Variants in TRHDE observed in about 807,000 individuals in gnomAD.
The protein encoded by TRHDE is thyrotropin-releasing hormone-degrading ectoenzyme.
In TRHDE, 72 loss-of-function variants were observed where a neutral mutation model predicts 125.7. The ratio of observed to expected loss-of-function variants is 0.57; its 90% CI spans 0.47 to 0.70. The LOEUF (loss-of-function observed/expected upper bound fraction) is 0.70, where lower values mean the gene tolerates loss of function less well. Among genes scored for constraint, TRHDE ranks in the 30% least tolerant of loss-of-function variants. The probability of loss-of-function intolerance (pLI) is 0.00; values close to 1 mark genes in which losing one functional copy is unlikely to be tolerated. For missense variants in TRHDE, 1,110 were observed against 1,327.1 expected (o/e 0.84, Z 2.54); for synonymous variants, 509 against 509.1 (o/e 1.00, Z 0.00).
At chr12:72,151,671 G>T (rs1195555206) in intron 2 of TRHDE, among the ~76,000 whole-genome samples, 1 of 152,038 alleles carries the variant, frequency 6.6e-6, no homozygotes, top group Non-Finnish European at 1.5e-5. Context: ...CCCATTGCTT[G>T]TTTTTCTCAG....
At chr12:72,120,012 C>T (rs1875538845) in intron 2 of TRHDE, among the ~76,000 whole-genome samples, 1 of 151,652 alleles carries the variant, frequency 6.6e-6, no homozygotes, top group African/African-American at 2.4e-5. Context: ...GAGCTTAGTC[C>T]ATTTACATTC....
At chr12:72,097,319 T>C (rs1874948949) in intron 1 of TRHDE, among the ~76,000 whole-genome samples, 1 of 152,118 alleles carries the variant, frequency 6.6e-6, no homozygotes, top group African/African-American at 2.4e-5. Context: ...AGCACTGGTC[T>C]AGAGGGTCAC....
chr12:72,143,378 G>A lies in TRHDE; in HGVS notation n.279+37626G>A, dbSNP rs12314780. 5.0e-3 allele frequency among the ~76,000 whole-genome samples: 759 copies of A among 152,216 alleles called. 8 individuals carry two copies. The highest frequency in any genetic ancestry group is 0.017 in the African/African-American group (721 of 41,546). ...ATTAGGAACTGGCCAGATGAGAGGA[G>A]TAGGAGGAAGGAGGGAAAGGCCTTC... On this transcript the variant is annotated intron_variant and non_coding_transcript_variant, in intron 2 of 4. Transcript: ENST00000548156.
chr12:72,108,244 T>TTTA lies in TRHDE; in HGVS notation n.279+2493_279+2494insTAT. Among the ~76,000 whole-genome samples, 3 of 152,236 alleles carry TTTA rather than the reference T, an allele frequency of 2.0e-5. No individual in the cohort carries two copies. In the South Asian group the frequency reaches 6.2e-4, roughly 32 times the overall value. ...CTGCTTTTTATGCAAATAGATGGATTTGTAAGAACTAGGTTAGTTAAGGAG... is the reference window on the plus strand; with the variant it reads ...CTGCTTTTTATGCAAATAGATGGATTTTATGTAAGAACTAGGTTAGTTAAGGAG... On this transcript the variant is annotated intron_variant and non_coding_transcript_variant, in intron 2 of 4. Transcript: ENST00000548156.
At chr12:72,212,467 C>T (rs942330127) in intron 2 of TRHDE, among the ~76,000 whole-genome samples, 11 of 152,050 alleles carry the variant, frequency 7.2e-5, no homozygotes, top group Admixed American at 5.9e-4. Context: ...AACCACATAT[C>T]TGATAAGGAA....
chr12:72,405,531 G>T (rs771933174), intron 3 of TRHDE, among the ~76,000 whole-genome samples: 1 of 152,104 alleles, frequency 6.6e-6, no homozygotes, highest in Admixed American at 6.5e-5. Flanking sequence ...ACTACATTAA[G>T]TCTCTCTCAT....
At chr12:72,296,589 C>T (rs924347230) in intron 2 of TRHDE, among the ~76,000 whole-genome samples, 2 of 151,072 alleles carry the variant, frequency 1.3e-5, no homozygotes, top group African/African-American at 4.9e-5. Context: ...GGTCTGCAGC[C>T]ATGTGGGTGC....
At chr12:72,423,694 A>G (rs1874057511) in intron 3 of TRHDE, among the ~76,000 whole-genome samples, 1 of 152,142 alleles carries the variant, frequency 6.6e-6, no homozygotes, top group African/African-American at 2.4e-5. Context: ...GGTAGTTGCT[A>G]TTTGCAATCA....
chr12:72,161,306 G>A (rs1035543071), intron 2 of TRHDE, among the ~76,000 whole-genome samples: 1 of 151,942 alleles, frequency 6.6e-6, no homozygotes, highest in Admixed American at 6.6e-5. Flanking sequence ...GGTGGCACTC[G>A]CCTGTAGTCC....
chr12:72,544,531 T>TC (rs1172459686), intron 7 of TRHDE, among the ~76,000 whole-genome samples: 1 of 151,430 alleles, frequency 6.6e-6, no homozygotes, highest in Non-Finnish European at 1.5e-5. Context: ...GTTTTTATTC[T>TC]CCCCCCTTTT....
chr12:72,264,939 A>G (rs1278446334), intron 2 of TRHDE, among the ~76,000 whole-genome samples: 1 of 151,732 alleles, frequency 6.6e-6, no homozygotes, highest in African/African-American at 2.4e-5. Context: ...TCTAGAGCCA[A>G]AAGTTTCATT....
intron 2 of TRHDE, among the ~76,000 whole-genome samples, chr12:72,314,845 T>G (rs1439604879): frequency 6.6e-6 from 1 of 152,218 alleles, no homozygotes; most frequent in Non-Finnish European, 1.5e-5. Flanking sequence ...AATTAGGAAT[T>G]GAAATTTGGA....
At chr12:72,251,320 C>A (rs1878679338) in intron 2 of TRHDE, among the ~76,000 whole-genome samples, 1 of 151,858 alleles carries the variant, frequency 6.6e-6, no homozygotes, top group African/African-American at 2.4e-5. Flanking sequence ...ACTGTATATA[C>A]CCCCTGGAAA....
intron 6 of TRHDE, among the ~76,000 whole-genome samples, chr12:72,509,413 C>T (rs1878492799): frequency 6.6e-6 from 1 of 152,134 alleles, no homozygotes; most frequent in African/African-American, 2.4e-5. Flanking sequence ...GAATTCTTCT[C>T]TATTACTCTC....
chr12:72,140,986 TA>T (rs1249668807), intron 2 of TRHDE, among the ~76,000 whole-genome samples: 1 of 152,152 alleles, frequency 6.6e-6, no homozygotes, highest in East Asian at 1.9e-4. Context: ...TCAAAAGCTT[TA>T]TTTTTTTTTT....
chr12:72,411,221 A>AG (rs1371852952), intron 3 of TRHDE, among the ~76,000 whole-genome samples: 1 of 150,768 alleles, frequency 6.6e-6, no homozygotes, highest in Non-Finnish European at 1.5e-5. Flanking sequence ...AAAAAAAAAA[A>AG]CCATACAAAA....
At chr12:72,112,101 T>G (rs116653113) in intron 2 of TRHDE, among the ~76,000 whole-genome samples, 2,486 of 152,268 alleles carry the variant, frequency 0.016, 56 homozygotes, top group African/African-American at 0.056. Context: ...ATTATCTACC[T>G]ACCCTTGCTT....
intron 3 of TRHDE, among the ~76,000 whole-genome samples, chr12:72,393,007 C>G (rs987619085): frequency 5.3e-5 from 8 of 151,962 alleles, no homozygotes; most frequent in African/African-American, 1.9e-4. Flanking sequence ...AAATTATACA[C>G]TACACATTTG....
At chr12:72,308,219 T>C (rs1868382810) in intron 2 of TRHDE, among the ~76,000 whole-genome samples, 1 of 152,054 alleles carries the variant, frequency 6.6e-6, no homozygotes, top group African/African-American at 2.4e-5. Flanking sequence ...TCCAGTCCCG[T>C]AGACTATTGG....
Sources: gnomAD v4.1 joint callset for allele counts (sites outside exome capture counted in the v4.1 genomes callset) on GRCh38, gnomAD v4.1.1 for gene constraint, MANE v1.5 for transcripts, NCBI Gene and HGNC (gene_info 2026-07-23, HGNC 2026-07-21) for gene names.